HVCN1: variants seen among roughly 807,000 people sequenced by gnomAD.
HVCN1 encodes the protein voltage-gated hydrogen channel 1.
HVCN1 carries 14 observed loss-of-function variants against 29.2 expected under a neutral mutation model. The ratio of observed to expected loss-of-function variants is 0.48; its 90% CI spans 0.32 to 0.75. HVCN1 has a LOEUF of 0.75. Ranked by LOEUF, HVCN1 falls within the 30% of genes least tolerant of loss-of-function variation. The probability of loss-of-function intolerance (pLI) is 0.04; values close to 1 mark genes in which losing one functional copy is unlikely to be tolerated. For synonymous variants in HVCN1, 131 were observed against 133.2 expected (o/e 0.98, Z 0.11); for missense variants, 263 against 341.8 (o/e 0.77, Z 1.82).
chr12:110,666,020 GAA>G (rs111302602), intron 3 of HVCN1, among the ~76,000 whole-genome samples: 3 of 121,212 alleles, frequency 2.5e-5, no homozygotes, highest in African/African-American at 6.0e-5. Context: ...AAAAAAGAAG[GAA>G]AAAAAAAAAA....
chr12:110,679,733 G>A (rs1209728577), intron 3 of HVCN1, among the ~76,000 whole-genome samples: 3 of 152,210 alleles, frequency 2.0e-5, no homozygotes, highest in East Asian at 1.9e-4. Context: ...GGCGCCTGTA[G>A]TCCCAGCTAC....
At chr12:110,657,629 C>T (rs1280262133) in intron 4 of HVCN1, among the ~76,000 whole-genome samples, 1 of 151,942 alleles carries the variant, frequency 6.6e-6, no homozygotes, top group Non-Finnish European at 1.5e-5. Context: ...GTGAATCTCA[C>T]CTCAATTTAA....
At chr12:110,700,760 C>G (rs2069556372) in intron 2 of HVCN1, among the ~76,000 whole-genome samples, 1 of 152,104 alleles carries the variant, frequency 6.6e-6, no homozygotes, top group African/African-American at 2.4e-5. Context: ...ACCCGGTCTA[C>G]TTGGAGATAT....
intron 3 of HVCN1, among the ~76,000 whole-genome samples, chr12:110,677,550 C>T (rs1370281685): frequency 6.6e-6 from 1 of 152,150 alleles, no homozygotes; most frequent in South Asian, 2.1e-4. Flanking sequence ...AAACATACCT[C>T]CTGGATGGTG....
chr12:110,700,264 A>G (rs978135889), intron 2 of HVCN1, among the ~76,000 whole-genome samples: 1 of 152,256 alleles, frequency 6.6e-6, no homozygotes, highest in Admixed American at 6.5e-5. Context: ...GACAAGGCTC[A>G]GAGAAGTGAA....
chr12:110,653,497 C>T (rs541761539), intron 5 of HVCN1, among the ~76,000 whole-genome samples: 4 of 151,402 alleles, frequency 2.6e-5, no homozygotes, highest in South Asian at 2.1e-4. Context: ...GGAGACATAA[C>T]CAAATAGAAT....
At chr12:110,660,500 C>T (rs1335297840) in intron 4 of HVCN1, among the ~76,000 whole-genome samples, 1 of 152,214 alleles carries the variant, frequency 6.6e-6, no homozygotes, top group Admixed American at 6.5e-5. Context: ...ACTGAGTGTT[C>T]GCAGAGTGAA....
chr12:110,683,173 C>A, intron 3 of HVCN1, 52 bp downstream of exon 3: 1 of 1,612,930 alleles, frequency 6.2e-7, no homozygotes, highest in Non-Finnish European at 8.5e-7. Context: ...ACAGAATTAT[C>A]CTCTCAAGGC....
At chr12:110,678,727 C>CA (rs1308270244) in intron 3 of HVCN1, among the ~76,000 whole-genome samples, 1 of 152,116 alleles carries the variant, frequency 6.6e-6, no homozygotes, top group Non-Finnish European at 1.5e-5. Context: ...GCTGGGATTA[C>CA]AGGTGTGAGC....
chr12:110,689,201 TCCCCGC>T (rs1175465603), upstream of HVCN1: 2 of 97,562 alleles, frequency 2.0e-5, no homozygotes, highest in Non-Finnish European at 4.3e-5. The surrounding 1 kb of genome is among the most constrained non-coding windows in gnomAD (Gnocchi z 5.7). Flanking sequence ...CCCGCCCCCG[TCCCCGC>T]CCCCACAGCC....
chr12:110,674,981 T>G (rs2068699464), intron 3 of HVCN1, among the ~76,000 whole-genome samples: 1 of 152,090 alleles, frequency 6.6e-6, no homozygotes, highest in Admixed American at 6.6e-5. Context: ...GAAAATGAGA[T>G]TAATAGACTA....
At chr12:110,671,854 A>G (rs763176854) in intron 3 of HVCN1, among the ~76,000 whole-genome samples, 1 of 152,172 alleles carries the variant, frequency 6.6e-6, no homozygotes, top group Non-Finnish European at 1.5e-5. Context: ...CAGGAAGGGT[A>G]GGTGAAGTCT....
chr12:110,655,447 G>A, intron 4 of HVCN1, 109 bp from the exon 5 acceptor site: 1 of 784,522 alleles, frequency 1.3e-6, no homozygotes, highest in Non-Finnish European at 2.2e-6. Flanking sequence ...ACTGGGCAAA[G>A]CCATTAAGGA....
At chr12:110,668,149 C>T (rs766545516) in intron 3 of HVCN1, among the ~76,000 whole-genome samples, 4 of 152,122 alleles carry the variant, frequency 2.6e-5, no homozygotes, top group African/African-American at 4.8e-5. Context: ...GCACCTGCCT[C>T]GGTGCCTGGC....
In HVCN1 at chr12:110,658,332, T is replaced by C. The variant is rs537835722; in HGVS notation, c.306+2832A>G. Among the ~76,000 whole-genome samples, 5 of 152,208 alleles carry C rather than the reference T, an allele frequency of 3.3e-5. No individual in the cohort carries two copies. The East Asian group carries it at 9.7e-4, about 29-fold the overall frequency. ...ACTACAACCCCTGAGCCTCACCACC[T>C]ACTCCAGTGTGGCCTCACTGCTGCC... is the stretch of plus-strand genomic sequence containing the variant. On this transcript the variant is annotated intron_variant, in intron 4 of 7. Coordinates refer to ENST00000242607, the MANE Select transcript of HVCN1 (RefSeq NM_032369.4). The surrounding 1 kb of genome is among the most constrained non-coding windows in gnomAD (Gnocchi z 5.0).
chr12:110,677,599 T>TG (rs1006454141), intron 3 of HVCN1, among the ~76,000 whole-genome samples: 1 of 152,148 alleles, frequency 6.6e-6, no homozygotes, highest in Non-Finnish European at 1.5e-5. Context: ...CTCTTCTCTG[T>TG]GGGGAGGCAA....
intron 5 of HVCN1, among the ~76,000 whole-genome samples, chr12:110,652,100 T>A (rs2136246201): frequency 6.6e-6 from 1 of 152,354 alleles, no homozygotes; most frequent in East Asian, 1.9e-4. Flanking sequence ...TCCAAGATCT[T>A]GATCTAGTCC....
chr12:110,651,026 C>G (rs1413648845), intron 6 of HVCN1, among the ~76,000 whole-genome samples, 191 bp downstream of exon 6: 1 of 152,102 alleles, frequency 6.6e-6, no homozygotes. Flanking sequence ...TTGACGTAAA[C>G]CTGCTTATAA....
Position 110,650,156 on chromosome 12 carries a change from C to A in HVCN1, c.756+12G>T. 2 of 1,570,846 alleles carry A rather than the reference C, an allele frequency of 1.3e-6. No individual in the cohort carries two copies. The highest frequency in any genetic ancestry group is 2.2e-5 in the South Asian group (2 of 90,184). On this transcript the variant is annotated intron_variant, in intron 7 of 7. Coordinates refer to ENST00000242607, the MANE Select transcript of HVCN1 (RefSeq NM_032369.4). ...CACCACGCCTGGTCCCCAGATGTGT[C>A]GTCTTTCTTACCTTCTCAGAGCAGC...
Sources: gnomAD v4.1 joint callset for allele counts (sites outside exome capture counted in the v4.1 genomes callset) on GRCh38, gnomAD v4.1.1 for gene constraint, Gnocchi (gnomAD v3.1) non-coding constraint, MANE v1.5 for transcripts, NCBI Gene and HGNC (gene_info 2026-07-23, HGNC 2026-07-21) for gene names.